Variants in FCHSD2 observed in about 807,000 individuals in gnomAD.
FCHSD2 encodes the protein F-BAR and double SH3 domains protein 2.
FCHSD2 carries 38 observed loss-of-function variants against 108.1 expected under a neutral mutation model. That is an observed-to-expected ratio of 0.35 (90% confidence interval 0.27 to 0.46). FCHSD2 has a LOEUF of 0.46. Among genes scored for constraint, FCHSD2 ranks in the 20% least tolerant of loss-of-function variants. The pLI, the probability that FCHSD2 is intolerant of heterozygous loss-of-function variation, is 1.00. For missense variants in FCHSD2, 751 were observed against 897.8 expected (o/e 0.84, Z 2.09); for synonymous variants, 279 against 314.7 (o/e 0.89, Z 1.20).
At chr11:72,929,049 A>C (rs1856136772) in intron 8 of FCHSD2, among the ~76,000 whole-genome samples, 1 of 152,170 alleles carries the variant, frequency 6.6e-6, no homozygotes, top group South Asian at 2.1e-4. Context: ...AAAGGACATG[A>C]ACTCATCATT....
chr11:72,920,583 T>TAAC (rs376801969), intron 9 of FCHSD2, among the ~76,000 whole-genome samples: 3 of 152,144 alleles, frequency 2.0e-5, no homozygotes, highest in Admixed American at 1.3e-4. Flanking sequence ...CTACTAAAAA[T>TAAC]AACAACAACA....
At chr11:73,040,816 C>T (rs1013979908) in intron 3 of FCHSD2, among the ~76,000 whole-genome samples, 2 of 151,940 alleles carry the variant, frequency 1.3e-5, no homozygotes, top group African/African-American at 4.8e-5. Flanking sequence ...AATACTAAAA[C>T]GTATTCCTTC....
chr11:72,870,899 C>CAA (rs55827213), intron 12 of FCHSD2, among the ~76,000 whole-genome samples: 30,915 of 76,426 alleles, frequency 0.4, 7,760 homozygotes, highest in East Asian at 0.52. Context: ...GACTCCGTCT[C>CAA]AAAAAAAAAA....
At chr11:73,060,419 G>A (rs1288921158) in intron 3 of FCHSD2, among the ~76,000 whole-genome samples, 1 of 152,046 alleles carries the variant, frequency 6.6e-6, no homozygotes, top group African/African-American at 2.4e-5. Flanking sequence ...CCAGGAGCCT[G>A]GAAAAATACC....
chr11:73,094,735 G>T (rs531221546), intron 2 of FCHSD2, among the ~76,000 whole-genome samples: 6 of 152,214 alleles, frequency 3.9e-5, no homozygotes, highest in Admixed American at 2.6e-4. Flanking sequence ...TTTATTATCA[G>T]CAAATTGATA....
intron 8 of FCHSD2, among the ~76,000 whole-genome samples, chr11:72,926,378 T>C (rs1856076615): frequency 6.6e-6 from 1 of 152,062 alleles, no homozygotes; most frequent in Non-Finnish European, 1.5e-5. Context: ...AGAGAGAGGA[T>C]GGCATGACCA....
intron 2 of FCHSD2, among the ~76,000 whole-genome samples, chr11:73,138,161 T>C (rs7107817): frequency 0.048 from 7,298 of 152,300 alleles, 464 homozygotes; most frequent in African/African-American, 0.15. Flanking sequence ...CCACATCTCA[T>C]ATGTATTGTC....
chr11:72,916,656 T>C (rs1855880118), intron 9 of FCHSD2, among the ~76,000 whole-genome samples: 1 of 152,134 alleles, frequency 6.6e-6, no homozygotes, highest in Admixed American at 6.5e-5. Flanking sequence ...TGATGTTGAG[T>C]TGTAAGAGTT....
chr11:73,000,443 A>G (rs946561620), intron 5 of FCHSD2, among the ~76,000 whole-genome samples: 6 of 152,174 alleles, frequency 3.9e-5, no homozygotes, highest in African/African-American at 1.2e-4. Flanking sequence ...TTTCCTATGA[A>G]TTTTTTATTT....
At chr11:72,971,041 C>T (rs1004490543) in intron 8 of FCHSD2, among the ~76,000 whole-genome samples, 6 of 152,066 alleles carry the variant, frequency 3.9e-5, no homozygotes, top group Non-Finnish European at 7.4e-5. Flanking sequence ...GTGAGTGGTA[C>T]GGAGATAAGT....
chr11:72,997,523 T>A (rs570044940), intron 5 of FCHSD2, among the ~76,000 whole-genome samples: 2 of 152,076 alleles, frequency 1.3e-5, no homozygotes, highest in African/African-American at 4.8e-5. Context: ...CCGCAGGCGG[T>A]TAAAAGAGAC....
intron 5 of FCHSD2, among the ~76,000 whole-genome samples, chr11:72,991,189 A>G (rs1480101423): frequency 2.6e-5 from 4 of 152,218 alleles, no homozygotes; most frequent in Non-Finnish European, 5.9e-5. Context: ...GAATAGACCA[A>G]TAACAGGCCC....
intron 3 of FCHSD2, among the ~76,000 whole-genome samples, chr11:73,053,254 A>G (rs906639072): frequency 6.6e-6 from 1 of 151,548 alleles, no homozygotes; most frequent in African/African-American, 2.4e-5. Flanking sequence ...TGATAAAAAC[A>G]TTTTCAAATT....
intron 5 of FCHSD2, among the ~76,000 whole-genome samples, chr11:72,999,662 T>C (rs938612665): frequency 5.9e-5 from 9 of 152,088 alleles, no homozygotes; most frequent in Non-Finnish European, 4.4e-5. Context: ...TAAATTCAGG[T>C]CTGAGATTAC....
At chr11:72,995,242 C>T (rs1857498353) in intron 5 of FCHSD2, among the ~76,000 whole-genome samples, 1 of 152,046 alleles carries the variant, frequency 6.6e-6, no homozygotes, top group Non-Finnish European at 1.5e-5. Flanking sequence ...AAGCTGTTTT[C>T]CCCCTAAATT....
At chr11:73,026,695 A>T (rs1212723566) in intron 3 of FCHSD2, among the ~76,000 whole-genome samples, 1 of 152,138 alleles carries the variant, frequency 6.6e-6, no homozygotes, top group East Asian at 1.9e-4. Context: ...CTGTATCCCC[A>T]CCCAAATCTC....
rs554903394 is a variant in FCHSD2 at position 72,900,396 on chromosome 11, A to T, written c.924+2147T>A. On this transcript the variant is annotated intron_variant, in intron 10 of 19. Coordinates refer to ENST00000409418, the MANE Select transcript of FCHSD2 (RefSeq NM_014824.3). ...AGTTAGAAATTTAAGGCAAACAAGG[A>T]CACAACACCTAAGAACATTTAGCAC... The T allele has an allele frequency of 2.6e-5, 26 of 1,014,164 alleles. No homozygotes were observed. The African/African-American group carries it at 4.1e-4, about 16-fold the overall frequency. The allele number at this position is 1,014,164 out of a possible 1,614,324, so 62.8% of individuals were successfully genotyped here.
At chr11:72,954,950 G>T (rs1856685262) in intron 8 of FCHSD2, among the ~76,000 whole-genome samples, 1 of 152,118 alleles carries the variant, frequency 6.6e-6, no homozygotes, top group African/African-American at 2.4e-5. Flanking sequence ...GGAAAAAACT[G>T]AAGTGCTTTT....
At chr11:72,870,010 C>T (rs1314235063) in intron 12 of FCHSD2, among the ~76,000 whole-genome samples, 2 of 152,170 alleles carry the variant, frequency 1.3e-5, no homozygotes, top group Admixed American at 1.3e-4. Flanking sequence ...CCACACCCCC[C>T]TATGCTCCCA....
Sources: gnomAD v4.1 joint callset for allele counts (sites outside exome capture counted in the v4.1 genomes callset) on GRCh38, gnomAD v4.1.1 for gene constraint, MANE v1.5 for transcripts, NCBI Gene and HGNC (gene_info 2026-07-23, HGNC 2026-07-21) for gene names.